Variants in IMPG2 observed in about 807,000 individuals in gnomAD.
IMPG2 encodes the protein IPM 200.
Under a neutral mutation model 129.2 loss-of-function variants are expected in IMPG2, and 91 were observed. That is an observed-to-expected ratio of 0.70 (90% CI 0.59 to 0.84). The LOEUF is 0.84. IMPG2 is among the 40% of genes least tolerant of loss of function. IMPG2 has a pLI of 0.00. For synonymous variants in IMPG2, 510 were observed against 517.7 expected, an observed-to-expected ratio of 0.99 and a Z score of 0.20; for missense variants, 1,430 against 1,461.7, an observed-to-expected ratio of 0.98 and a Z score of 0.35.
intron 18 of IMPG2, among the ~76,000 whole-genome samples, chr3:101,228,426 T>C (rs993249373): frequency 6.6e-6 from 1 of 152,182 alleles, no homozygotes; most frequent in Non-Finnish European, 1.5e-5. Context: ...ACTAGTGAGA[T>C]CTATGACAAC....
chr3:101,305,567 G>A (rs998514390), intron 2 of IMPG2, among the ~76,000 whole-genome samples: 1 of 152,108 alleles, frequency 6.6e-6, no homozygotes, highest in Non-Finnish European at 1.5e-5. Flanking sequence ...ACAGGGAAAA[G>A]TGGTGGGGGA....
At chr3:101,300,863 A>G (rs1240554559) in intron 3 of IMPG2, among the ~76,000 whole-genome samples, 1 of 152,210 alleles carries the variant, frequency 6.6e-6, no homozygotes, top group Non-Finnish European at 1.5e-5. Flanking sequence ...TTAGCTAACT[A>G]TTTGGTGCAA....
rs931035019 is a variant in IMPG2, at chr3:101,232,921, A to G, written c.3093T>C (p.Ser1031=). The G allele has an allele frequency of 1.9e-6, 3 of 1,613,752 alleles. No individual in the cohort carries two copies. Among genetic ancestry groups the G allele is most frequent in the African/African-American group, 2.7e-5 (2 of 74,830 alleles). Residue 1031 remains serine (S), a synonymous_variant, in exon 15 of 19, where the codon AGT becomes AGC. Transcript: ENST00000193391. ...GGAAGCATCTGCACTTTGCTTCTCC[A>G]CTCCAGGGGTTGACCAGACACTCTG... ...EFSECLVNPW[S]GEAKCRCFPG... is the part of the protein sequence containing the mutation.
At chr3:101,294,615 G>A (rs1707058753) in intron 3 of IMPG2, among the ~76,000 whole-genome samples, 1 of 152,158 alleles carries the variant, frequency 6.6e-6, no homozygotes, top group African/African-American at 2.4e-5. Context: ...CCCAATAATG[G>A]GATTGCTGGG....
intron 14 of IMPG2, among the ~76,000 whole-genome samples, chr3:101,234,039 G>T (rs1390734956): frequency 6.6e-6 from 1 of 151,584 alleles, no homozygotes; most frequent in East Asian, 1.9e-4. Context: ...ATCTCCTTTG[G>T]CTGCATGTGG....
chr3:101,318,257 T>G (rs181517982), intron 2 of IMPG2, among the ~76,000 whole-genome samples: 1 of 151,702 alleles, frequency 6.6e-6, no homozygotes, highest in African/African-American at 2.4e-5. Context: ...TCATTCACCT[T>G]CAGTTCCTTT....
At chr3:101,288,184 TACCA>T (rs1301533747) in intron 4 of IMPG2, among the ~76,000 whole-genome samples, 14 of 152,068 alleles carry the variant, frequency 9.2e-5, no homozygotes, top group African/African-American at 3.1e-4. Context: ...TACAATGAAA[TACCA>T]TCTCACACCA....
In IMPG2 at chr3:101,246,073, T is replaced by C. The variant is rs1300828871; in HGVS notation, c.1272A>G (p.Ala424=). The change falls in exon 12 of 19, where the codon GCA becomes GCG. Residue 424 remains alanine, a synonymous_variant. Transcript: ENST00000193391. ...GAATACTGCTGGTGATGGATTCATC[T>C]GCTGAGGGCCATGCAGCTTGAAAGG... ...DNTFQAAWPS[A]DESITSSIPP... is the part of the protein sequence containing the mutation. 6.2e-7 allele frequency: 1 copy of C among 1,614,148 alleles called. No homozygotes were observed. The highest frequency in any genetic ancestry group is 8.5e-7 in the Non-Finnish European group (1 of 1,180,000).
intron 4 of IMPG2, among the ~76,000 whole-genome samples, chr3:101,288,111 A>C (rs985531301): frequency 6.6e-6 from 1 of 152,186 alleles, no homozygotes; most frequent in African/African-American, 2.4e-5. Context: ...GAAGACATAC[A>C]TGAGGTCAAT....
At chr3:101,253,284 T>A (rs1479199770) in intron 11 of IMPG2, among the ~76,000 whole-genome samples, 2 of 152,070 alleles carry the variant, frequency 1.3e-5, no homozygotes, top group Non-Finnish European at 2.9e-5. Flanking sequence ...TGTTTTGGAG[T>A]TTAATCATTT....
chr3:101,298,193 C>G (rs1423195003), intron 3 of IMPG2, among the ~76,000 whole-genome samples: 1 of 151,622 alleles, frequency 6.6e-6, no homozygotes, highest in East Asian at 1.9e-4. Flanking sequence ...GGTTTAAAGT[C>G]TGTTTTGTCA....
chr3:101,316,002 A>C (rs1189636881), intron 2 of IMPG2, among the ~76,000 whole-genome samples: 2 of 152,122 alleles, frequency 1.3e-5, no homozygotes, highest in Non-Finnish European at 2.9e-5. Context: ...GATTTTCAAC[A>C]AAGGTGCAAA....
intron 9 of IMPG2, among the ~76,000 whole-genome samples, 192 bp from the exon 10 acceptor site, chr3:101,257,965 G>A (rs1559647023): frequency 6.6e-6 from 1 of 152,010 alleles, no homozygotes. Flanking sequence ...AGGGGTCATA[G>A]CTCTAAGAAT....
intron 11 of IMPG2, among the ~76,000 whole-genome samples, chr3:101,248,268 G>A (rs1008474904): frequency 6.6e-6 from 1 of 152,168 alleles, no homozygotes; most frequent in Non-Finnish European, 1.5e-5. Context: ...CATGAGATAT[G>A]ATGGTTTTAT....
chr3:101,237,530 A>G (rs978423075), intron 14 of IMPG2, among the ~76,000 whole-genome samples: 1 of 152,166 alleles, frequency 6.6e-6, no homozygotes, highest in African/African-American at 2.4e-5. Flanking sequence ...AACAGGCAGC[A>G]ATCTTTGCTG....
At chr3:101,233,097 T>C in intron 14 of IMPG2, 106 bp from the exon 15 acceptor site, 1 of 957,052 alleles carries the variant, frequency 1.0e-6, no homozygotes, top group South Asian at 1.3e-5. Context: ...GGACAACTCC[T>C]TTCCAGAACC....
At chr3:101,249,796 A>C (rs1706524032) in intron 11 of IMPG2, among the ~76,000 whole-genome samples, 1 of 139,608 alleles carries the variant, frequency 7.2e-6, no homozygotes, top group Admixed American at 7.0e-5. Context: ...ATTCATGTCA[A>C]AAAAAAAAAA....
intron 17 of IMPG2, 59 bp downstream of exon 17, chr3:101,229,321 C>CG: frequency 1.2e-6 from 1 of 864,556 alleles, no homozygotes; most frequent in Non-Finnish European, 1.8e-6. Context: ...CCACCCCCTG[C>CG]TCCCCCACAC....
intron 3 of IMPG2, among the ~76,000 whole-genome samples, chr3:101,293,338 C>T (rs1707041770): frequency 1.3e-5 from 2 of 152,134 alleles, no homozygotes; most frequent in African/African-American, 4.8e-5. Context: ...TGTACATCCC[C>T]ATCAGAGCTC....
Sources: gnomAD v4.1 joint callset for allele counts (sites outside exome capture counted in the v4.1 genomes callset) on GRCh38, gnomAD v4.1.1 for gene constraint, MANE v1.5 for transcripts, NCBI Gene and HGNC (gene_info 2026-07-23, HGNC 2026-07-21) for gene names.